Variants in LYAR observed in about 807,000 individuals in gnomAD.
LYAR encodes Ly1 antibody reactive.
A neutral mutation model predicts 45.2 loss-of-function variants in LYAR; 37 were observed. That is an observed-to-expected ratio of 0.82 (90% CI 0.63 to 1.08). The LOEUF is 1.08. Among genes scored for constraint, LYAR ranks in the 50% least tolerant of loss-of-function variants. The pLI, the probability that LYAR is intolerant of heterozygous loss-of-function variation, is 0.00. For synonymous variants in LYAR, 176 were observed against 155.1 expected, an observed-to-expected ratio of 1.14 and a Z score of -1.00; for missense variants, 493 against 451.0, an observed-to-expected ratio of 1.09 and a Z score of -0.84.
At chr4:4,272,420 C>T (rs1019432983) in intron 8 of LYAR, among the ~76,000 whole-genome samples, 3 of 152,140 alleles carry the variant, frequency 2.0e-5, no homozygotes, top group African/African-American at 7.2e-5. Flanking sequence ...GGTACTGAAC[C>T]CCTATATATA....
chr4:4,268,577 T>C lies in LYAR; in HGVS notation c.958A>G (p.Lys320Glu), dbSNP rs775585949. The C allele has an allele frequency of 1.1e-5, 17 of 1,612,374 alleles. No individual in the cohort carries two copies. Among genetic ancestry groups the C allele is most frequent in the Non-Finnish European group, 1.4e-5 (17 of 1,178,854 alleles). ...GTTATTTCATTGTCTGGGGCCTGTT[T>C]CAGAATTGCTTTAATAGTTCCCTTC... The part of the protein sequence containing the change: ...NWKGTIKAIL[K>E]QAPDNEITIK... Residue 320 changes from lysine (K) to glutamate (E), a missense_variant, in exon 9 of 10, where the codon AAA (lysine) becomes GAA (glutamate). Lys to Glu is a moderately conservative substitution (Grantham distance 56). Transcript: ENST00000343470.
intron 8 of LYAR, among the ~76,000 whole-genome samples, chr4:4,272,022 G>A (rs1415524460): frequency 4.6e-5 from 7 of 152,074 alleles, no homozygotes; most frequent in East Asian, 1.9e-4. Flanking sequence ...TAGAACATTC[G>A]GAGATTCCAG....
intron 1 of LYAR, among the ~76,000 whole-genome samples, chr4:4,287,237 A>G (rs1362004448): frequency 6.6e-6 from 1 of 152,184 alleles, no homozygotes; most frequent in Admixed American, 6.5e-5. Flanking sequence ...CCACATGCGC[A>G]TGTTAAAAGA....
At chr4:4,274,317 C>T in intron 7 of LYAR, 50 bp downstream of exon 7, 1 of 1,565,356 alleles carries the variant, frequency 6.4e-7, no homozygotes. Flanking sequence ...CCCAAATTCA[C>T]AGCTTTCCCG....
In LYAR at chr4:4,268,005, T is replaced by A; in HGVS notation, c.1024A>T (p.Thr342Ser). ...GATCTGTGATGCTCATCTGTCACTG[T>A]GTAGTACTGAGCTAAAACCTTCACA... ...LRKKVLAQYY[T>S]VTDEHHRSEE... The change falls in exon 10 of 10, where the codon ACA (threonine) becomes TCA (serine). Residue 342 changes from threonine (T) to serine (S), a missense_variant. Physicochemically the swap from Thr to Ser is moderately conservative, Grantham distance 58. Transcript: ENST00000343470. 1 of 1,604,950 alleles carries A rather than the reference T, an allele frequency of 6.2e-7. No homozygotes were observed. The highest frequency in any genetic ancestry group is 8.5e-7 in the Non-Finnish European group (1 of 1,177,232).
chr4:4,274,872 C>T (rs900350054), intron 6 of LYAR, 103 bp from the exon 7 acceptor site: 28 of 1,187,236 alleles, frequency 2.4e-5, no homozygotes, highest in Middle Eastern at 2.1e-4. Context: ...TCAAGAAAAA[C>T]GGTTGGTTTA....
Position 4,267,943 on chromosome 4 carries a change from G to A in LYAR, c.1086C>T (p.Ile362=). ...ATAACTTAAAGGTAGGGTTCTTGCT[G>A]ATTTTCTTGTTAAAGATGACCAGGA... ...EELLVIFNKK[I]SKNPTFKLLK... Residue 362 remains isoleucine, a synonymous_variant, in exon 10 of 10, where the codon ATC becomes ATT. Coordinates refer to ENST00000343470, the MANE Select transcript of LYAR (RefSeq NM_017816.3). 6.2e-7 allele frequency: 1 copy of A among 1,613,112 alleles called. No homozygotes were observed. Among genetic ancestry groups the A allele is most frequent in the Non-Finnish European group, 8.5e-7 (1 of 1,179,656 alleles).
chr4:4,282,336 G>C (rs911682893), intron 3 of LYAR, among the ~76,000 whole-genome samples: 1 of 152,028 alleles, frequency 6.6e-6, no homozygotes, highest in African/African-American at 2.4e-5. Flanking sequence ...AACAGTTCTG[G>C]ATCCCTTAGG....
rs116318078 is a variant in LYAR, at chr4:4,273,714, C to T, written c.833-45G>A. The T allele has an allele frequency of 3.4e-3, 3,977 of 1,157,488 alleles. 71 individuals are homozygous for T. In the African/African-American group the frequency reaches 0.046, roughly 13 times the overall value. 71.7% of individuals were successfully genotyped at this position (1,157,488 alleles called of 1,614,324 possible). A position where few individuals can be genotyped will look rare whatever the true frequency, so the allele number is the denominator to read the frequency against. On this transcript the variant is annotated intron_variant, in intron 7 of 9. Transcript: ENST00000343470. Reference sequence around the variant, plus strand: ...TTTTTTAAAGAAGATTTTGCATTTACGCTAGCAGCTACCATTTAATGAGAC... The same window carrying T: ...TTTTTTAAAGAAGATTTTGCATTTATGCTAGCAGCTACCATTTAATGAGAC...
At chr4:4,277,842 A>C (rs752185969) in intron 6 of LYAR, among the ~76,000 whole-genome samples, 1 of 152,176 alleles carries the variant, frequency 6.6e-6, no homozygotes, top group African/African-American at 2.4e-5. Flanking sequence ...TTACAGGAGG[A>C]TAAACAACCA....
At chr4:4,273,755 C>T (rs763751218) in intron 7 of LYAR, 86 bp from the exon 8 acceptor site, 42 of 741,950 alleles carry the variant, frequency 5.7e-5, no homozygotes, top group Non-Finnish European at 8.1e-5. Context: ...GCGAGCTAGG[C>T]AAACTCCACG....
In LYAR at chr4:4,281,468, C is replaced by T. The variant is rs562257827; in HGVS notation, c.237+315G>A. On this transcript the variant is annotated intron_variant, in intron 4 of 9. Coordinates refer to ENST00000343470, the MANE Select transcript of LYAR (RefSeq NM_017816.3). ...CTGAGTAGCTGGGATTACAGGCACC[C>T]GCCACTATGCCCGGCTAATTTTTTG... 4.9e-4 allele frequency among the ~76,000 whole-genome samples: 72 copies of T among 148,050 alleles called. 1 individual carries two copies. In the South Asian group the frequency reaches 0.015, roughly 31 times the overall value.
chr4:4,272,898 A>G (rs1049897670), intron 8 of LYAR, among the ~76,000 whole-genome samples: 3 of 152,132 alleles, frequency 2.0e-5, no homozygotes, highest in East Asian at 3.9e-4. Context: ...CAGAGAGATG[A>G]CGACTTGCCA....
chr4:4,268,707 C>A, intron 8 of LYAR, 92 bp from the exon 9 acceptor site: 2 of 776,286 alleles, frequency 2.6e-6, no homozygotes, highest in South Asian at 1.7e-5. Flanking sequence ...ATTTGCTTCC[C>A]AGGAAATGAG....
intron 8 of LYAR, among the ~76,000 whole-genome samples, chr4:4,271,301 C>A (rs113406445): frequency 0.028 from 4,298 of 152,244 alleles, 214 homozygotes; most frequent in African/African-American, 0.097. Flanking sequence ...TTTCACTTAG[C>A]ATAATGACTT....
chr4:4,281,343 CTTTTTT>C (rs1175270285), intron 4 of LYAR, among the ~76,000 whole-genome samples: 1 of 147,280 alleles, frequency 6.8e-6, no homozygotes, highest in Non-Finnish European at 1.5e-5. Context: ...TTTTCTTTTT[CTTTTTT>C]TTTGAGACGG....
chr4:4,278,935 T>C (rs536531376), intron 6 of LYAR, among the ~76,000 whole-genome samples: 107 of 152,262 alleles, frequency 7.0e-4, no homozygotes, highest in African/African-American at 2.0e-3. Context: ...GCATCAAACA[T>C]TGGGATGAAA....
At position 4,267,990 on chromosome 4, in the gene LYAR, G is replaced by T; in HGVS notation, c.1039C>A (p.His347Asn). 6.2e-7 allele frequency: 1 copy of T among 1,612,166 alleles called. No homozygotes were observed. The stretch of plus-strand genomic sequence containing the variant: ...AGGAGTTCCTCTTCGGATCTGTGAT[G>T]CTCATCTGTCACTGTGTAGTACTGA... ...LAQYYTVTDEHHRSEEELLVI... is the reference protein window; with the variant it reads ...LAQYYTVTDENHRSEEELLVI... The change falls in exon 10 of 10, where the codon CAT becomes AAT. Residue 347 changes from histidine to asparagine, a missense_variant. Coordinates refer to ENST00000343470, the MANE Select transcript of LYAR (RefSeq NM_017816.3).
chr4:4,284,541 C>T (rs1034984675), intron 2 of LYAR, among the ~76,000 whole-genome samples: 3 of 152,178 alleles, frequency 2.0e-5, no homozygotes, highest in Admixed American at 6.5e-5. Context: ...GGTGTCCCAA[C>T]TGCTGGGTGC....
Sources: gnomAD v4.1 joint callset for allele counts (sites outside exome capture counted in the v4.1 genomes callset) on GRCh38, gnomAD v4.1.1 for gene constraint, MANE v1.5 for transcripts, NCBI Gene and HGNC (gene_info 2026-07-23, HGNC 2026-07-21) for gene names.